The following CFAP221 variants were observed in gnomAD, a reference collection of about 807,000 sequenced individuals.
CFAP221 encodes the protein cilia and flagella associated protein 221.
A neutral mutation model predicts 113.1 loss-of-function variants in CFAP221; 97 were observed. The observed-to-expected ratio is 0.86, with a 90% CI of 0.73 to 1.02. The LOEUF is 1.02. Ranked by LOEUF, CFAP221 falls within the 50% of genes least tolerant of loss-of-function variation. The pLI, the probability that CFAP221 is intolerant of heterozygous loss-of-function variation, is 0.00. For synonymous variants in CFAP221, 331 were observed against 354.4 expected, an observed-to-expected ratio of 0.93 and a Z score of 0.74; for missense variants, 1,025 against 1,013.4, an observed-to-expected ratio of 1.01 and a Z score of -0.16.
downstream of CFAP221, among the ~76,000 whole-genome samples, chr2:119,658,864 A>G (rs1403107320): frequency 6.6e-6 from 1 of 151,784 alleles, no homozygotes; most frequent in Non-Finnish European, 1.5e-5. Context: ...GGTGGCAAAC[A>G]CCTGTAGTCC....
At chr2:119,628,602 A>G (rs1253004302) in intron 16 of CFAP221, among the ~76,000 whole-genome samples, 1 of 152,250 alleles carries the variant, frequency 6.6e-6, no homozygotes, top group Non-Finnish European at 1.5e-5. Context: ...AGTAATAAAA[A>G]GTATACTCAA....
At chr2:119,658,383 C>G (rs2104830095), downstream of CFAP221, among the ~76,000 whole-genome samples, 1 of 152,306 alleles carries the variant, frequency 6.6e-6, no homozygotes, top group Admixed American at 6.5e-5. Flanking sequence ...CTAAGCACAT[C>G]TTTACCTTCC....
chr2:119,632,166 T>C (rs1345221833), intron 19 of CFAP221, among the ~76,000 whole-genome samples: 1 of 152,106 alleles, frequency 6.6e-6, no homozygotes, highest in African/African-American at 2.4e-5. Context: ...TTCTGGAGGC[T>C]AGTATTACTC....
intron 2 of CFAP221, 81 bp from the exon 3 acceptor site, chr2:119,549,004 A>C: frequency 1.1e-6 from 1 of 928,812 alleles, no homozygotes; most frequent in Non-Finnish European, 1.5e-6. Flanking sequence ...AAATTAAAGA[A>C]AGCTATGTTA....
chr2:119,600,795 A>AC (rs1490297482), intron 7 of CFAP221, among the ~76,000 whole-genome samples: 17 of 151,988 alleles, frequency 1.1e-4, no homozygotes, highest in African/African-American at 3.9e-4. Flanking sequence ...TGCCTCTACC[A>AC]CCCTTGAGAC....
At chr2:119,583,186 A>C (rs1214654139) in intron 6 of CFAP221, among the ~76,000 whole-genome samples, 1 of 152,172 alleles carries the variant, frequency 6.6e-6, no homozygotes, top group Non-Finnish European at 1.5e-5. Context: ...GAAATAGACA[A>C]AAATTTCCTT....
intron 6 of CFAP221, among the ~76,000 whole-genome samples, chr2:119,570,764 T>C (rs1681987205): frequency 6.6e-6 from 1 of 152,262 alleles, no homozygotes; most frequent in Non-Finnish European, 1.5e-5. Context: ...TAACACATTT[T>C]ATTTATCCAT....
Position 119,604,742 on chromosome 2 carries a change from C to T in CFAP221, c.862C>T (p.His288Tyr). Residue 288 changes from histidine to tyrosine, a missense_variant, in exon 9 of 24, where the codon CAT becomes TAT. Coordinates refer to ENST00000413369, the MANE Select transcript of CFAP221 (RefSeq NM_001271049.2). ...CGTTCCTCCAGAAAAAGCAATGATG[C>T]ATATAAATTTTCACCGACCGCCAGC... ...VNVPPEKAMM[H>Y]INFHRPPAKP... 1 of 1,548,782 alleles carries T rather than the reference C, an allele frequency of 6.5e-7. No individual in the cohort carries two copies. Among genetic ancestry groups the T allele is most frequent in the Non-Finnish European group, 8.7e-7 (1 of 1,152,456 alleles).
intron 21 of CFAP221, among the ~76,000 whole-genome samples, chr2:119,644,382 G>A (rs376897177): frequency 2.6e-5 from 4 of 152,152 alleles, no homozygotes; most frequent in South Asian, 4.1e-4. Context: ...GGTCCCTGGC[G>A]AGCGGCCCAG....
At chr2:119,553,378 G>A (rs1022231562) in intron 3 of CFAP221, among the ~76,000 whole-genome samples, 2 of 152,154 alleles carry the variant, frequency 1.3e-5, no homozygotes, top group Non-Finnish European at 2.9e-5. Flanking sequence ...GGTGAGACAT[G>A]TGGGTTGGGA....
At chr2:119,578,712 C>G (rs1166560478) in intron 6 of CFAP221, among the ~76,000 whole-genome samples, 1 of 152,186 alleles carries the variant, frequency 6.6e-6, no homozygotes, top group Non-Finnish European at 1.5e-5. Context: ...CCCTCTGAAC[C>G]TAGTCATCGT....
intron 19 of CFAP221, chr2:119,637,990 T>C: frequency 3.5e-6 from 1 of 287,228 alleles, no homozygotes; most frequent in East Asian, 5.8e-5. Flanking sequence ...TCGGTTGTAC[T>C]TATTTTCATG....
chr2:119,555,521 C>T (rs1311643447), intron 3 of CFAP221, among the ~76,000 whole-genome samples: 1 of 152,130 alleles, frequency 6.6e-6, no homozygotes, highest in African/African-American at 2.4e-5. Context: ...TTATTATTTT[C>T]CCCAGTTTTA....
chr2:119,561,813 A>T (rs746566824), intron 5 of CFAP221, among the ~76,000 whole-genome samples: 1 of 152,232 alleles, frequency 6.6e-6, no homozygotes, highest in South Asian at 2.1e-4. Flanking sequence ...ACATCATTTC[A>T]ATAAAGAGTA....
At chr2:119,597,339 G>A (rs1485178663) in intron 7 of CFAP221, among the ~76,000 whole-genome samples, 1 of 152,198 alleles carries the variant, frequency 6.6e-6, no homozygotes, top group African/African-American at 2.4e-5. Context: ...CACTCCCTGG[G>A]CAGCAGCAGA....
chr2:119,570,495 C>T (rs375323506), intron 6 of CFAP221, among the ~76,000 whole-genome samples: 9 of 152,128 alleles, frequency 5.9e-5, no homozygotes, highest in Non-Finnish European at 1.2e-4. Flanking sequence ...TATAACCCCC[C>T]CAAAAAAACC....
intron 7 of CFAP221, among the ~76,000 whole-genome samples, chr2:119,592,546 A>G (rs1292959889): frequency 2.0e-5 from 3 of 152,188 alleles, no homozygotes; most frequent in Non-Finnish European, 4.4e-5. Flanking sequence ...TTTAGTTCCT[A>G]TTGAAATGGA....
At chr2:119,595,697 G>A (rs1365860527) in intron 7 of CFAP221, among the ~76,000 whole-genome samples, 6 of 152,092 alleles carry the variant, frequency 3.9e-5, no homozygotes, top group South Asian at 2.1e-4. Flanking sequence ...GATGCCAGTC[G>A]GGGGAGACAG....
chr2:119,586,511 A>G (rs114765974), intron 6 of CFAP221, among the ~76,000 whole-genome samples: 5 of 152,322 alleles, frequency 3.3e-5, no homozygotes, highest in Non-Finnish European at 7.4e-5. Flanking sequence ...TTCTGAATAC[A>G]TAGACCTCCT....
Sources: allele counts gnomAD v4.1 joint callset (sites outside exome capture counted in the v4.1 genomes callset), GRCh38; gene constraint gnomAD v4.1.1; transcripts MANE v1.5; gene names NCBI Gene and HGNC (gene_info 2026-07-23, HGNC 2026-07-21).